RAD51B: variants seen among roughly 807,000 people sequenced by gnomAD.
The protein encoded by RAD51B is RAD51 paralog B.
RAD51B carries 38 observed loss-of-function variants against 42.2 expected under a neutral mutation model. That is an observed-to-expected ratio of 0.90 (90% CI 0.70 to 1.18). RAD51B has a LOEUF of 1.18. RAD51B is among the 50% of genes most tolerant of loss of function. RAD51B has a pLI of 0.00. For synonymous variants in RAD51B, 154 were observed against 145.2 expected (o/e 1.06, Z -0.43); for missense variants, 373 against 400.7 (o/e 0.93, Z 0.59).
chr14:68,167,135 A>T (rs758475965), intron 7 of RAD51B, among the ~76,000 whole-genome samples: 10 of 152,204 alleles, frequency 6.6e-5, no homozygotes, highest in African/African-American at 1.4e-4. Context: ...CTTGTGTGCT[A>T]TAAGACAAAG....
Position 67,864,966 on chromosome 14 carries a change from T to G in RAD51B, c.316-37T>G, listed in dbSNP as rs1221544929. The G allele has an allele frequency of 9.5e-6, 8 of 839,230 alleles. No homozygotes were observed. The African/African-American group carries it at 4.1e-4, about 43-fold the overall frequency. The allele number at this position is 839,230 out of a possible 1,614,324, so 52.0% of individuals were successfully genotyped here. A position where few individuals can be genotyped will look rare whatever the true frequency, so the allele number is the denominator to read the frequency against. ...TGTGATGTTTATCTAAAAAACTTTT[T>G]TTTTTTTTTTTTTTTTTTTTTTTTT... On this transcript the variant is annotated intron_variant, in intron 4 of 10. Transcript: ENST00000471583.
intron 8 of RAD51B, among the ~76,000 whole-genome samples, chr14:68,390,393 C>T (rs1407662590): frequency 2.6e-5 from 4 of 152,322 alleles, no homozygotes; most frequent in South Asian, 2.1e-4. Context: ...TTCATCCTTA[C>T]CCATTTAGGA....
At chr14:68,663,532 C>T (rs1892976935) in intron 11 of RAD51B, among the ~76,000 whole-genome samples, 1 of 152,208 alleles carries the variant, frequency 6.6e-6, no homozygotes, top group African/African-American at 2.4e-5. Flanking sequence ...TGGAGGGCTT[C>T]ATCTTTCCTT....
chr14:68,357,599 A>T (rs1302879070), intron 8 of RAD51B, among the ~76,000 whole-genome samples: 1 of 152,158 alleles, frequency 6.6e-6, no homozygotes, highest in Non-Finnish European at 1.5e-5. Context: ...TTCTTAAATA[A>T]TAAGTCTTAA....
intron 8 of RAD51B, among the ~76,000 whole-genome samples, chr14:68,293,278 A>G (rs2081549835): frequency 1.3e-5 from 2 of 152,118 alleles, no homozygotes; most frequent in Admixed American, 6.5e-5. Flanking sequence ...TTTTCTGAGA[A>G]TGAGCTAAAA....
chr14:68,470,850 G>A (rs565691180), intron 10 of RAD51B: 22 of 381,176 alleles, frequency 5.8e-5, no homozygotes, highest in African/African-American at 4.3e-4. Context: ...AGCTTTGTCC[G>A]ATCCTCCTAG....
intron 7 of RAD51B, among the ~76,000 whole-genome samples, chr14:68,128,334 G>A (rs113853708): frequency 0.018 from 2,740 of 152,258 alleles, 91 homozygotes; most frequent in African/African-American, 0.062. Context: ...CGCAAGAGGA[G>A]TTTCTTTGCA....
intron 10 of RAD51B, among the ~76,000 whole-genome samples, chr14:68,528,273 G>A (rs1887062386): frequency 6.6e-6 from 1 of 152,136 alleles, no homozygotes; most frequent in African/African-American, 2.4e-5. Flanking sequence ...CTCTTTCTTT[G>A]CCTTTTGCTG....
At chr14:67,991,245 C>G (rs1729346451) in intron 7 of RAD51B, among the ~76,000 whole-genome samples, 1 of 152,186 alleles carries the variant, frequency 6.6e-6, no homozygotes, top group Non-Finnish European at 1.5e-5. Context: ...CTCTCTCTTT[C>G]TTGTTCCCTA....
At chr14:68,479,880 G>C (rs543239767), downstream of RAD51B, among the ~76,000 whole-genome samples, 1 of 151,810 alleles carries the variant, frequency 6.6e-6, no homozygotes, top group Non-Finnish European at 1.5e-5. Context: ...TGTTGCCCAG[G>C]CTGGTCTTGA....
intron 7 of RAD51B, among the ~76,000 whole-genome samples, chr14:68,052,928 C>T (rs953402163): frequency 2.6e-5 from 4 of 152,120 alleles, no homozygotes; most frequent in East Asian, 1.9e-4. Context: ...CCACCGTGTC[C>T]GGCCAATTTC....
intron 7 of RAD51B, among the ~76,000 whole-genome samples, chr14:68,169,217 G>A (rs774467694): frequency 1.5e-4 from 23 of 152,074 alleles, no homozygotes; most frequent in Non-Finnish European, 2.9e-4. Flanking sequence ...TTGCTACCCT[G>A]GGAGAAGCAT....
intron 10 of RAD51B, among the ~76,000 whole-genome samples, chr14:68,514,084 A>G (rs1360193005): frequency 6.6e-6 from 1 of 152,232 alleles, no homozygotes; most frequent in Non-Finnish European, 1.5e-5. Flanking sequence ...GTGAATCTCC[A>G]TCCTCGCTCT....
At chr14:67,917,717 A>G (rs1356814314) in intron 7 of RAD51B, among the ~76,000 whole-genome samples, 4 of 152,194 alleles carry the variant, frequency 2.6e-5, no homozygotes, top group Non-Finnish European at 4.4e-5. Context: ...AAAGGAGTCT[A>G]TGTTTTTGGC....
At chr14:68,371,068 A>AAG (rs2083252071) in intron 8 of RAD51B, among the ~76,000 whole-genome samples, 1 of 146,836 alleles carries the variant, frequency 6.8e-6, no homozygotes, top group African/African-American at 2.6e-5. Context: ...AAAAAAGAAA[A>AAG]GAAAATTAAA....
At chr14:68,660,898 C>T (rs1367280284) in intron 11 of RAD51B, among the ~76,000 whole-genome samples, 1 of 152,178 alleles carries the variant, frequency 6.6e-6, no homozygotes, top group Non-Finnish European at 1.5e-5. Context: ...CCAGGACCAC[C>T]AAAATGAGGG....
intron 10 of RAD51B, among the ~76,000 whole-genome samples, chr14:68,568,837 T>A (rs1023116752): frequency 6.6e-6 from 1 of 152,220 alleles, no homozygotes; most frequent in Non-Finnish European, 1.5e-5. Flanking sequence ...CTCATCTTTT[T>A]TGATATTTTG....
intron 7 of RAD51B, among the ~76,000 whole-genome samples, chr14:68,216,954 C>A (rs928566635): frequency 1.7e-4 from 26 of 152,186 alleles, no homozygotes; most frequent in African/African-American, 5.8e-4. Context: ...CTGTAAGAAG[C>A]CTGACTTGTA....
intron 7 of RAD51B, among the ~76,000 whole-genome samples, chr14:68,256,174 G>A (rs529716440): frequency 6.6e-6 from 1 of 152,318 alleles, no homozygotes; most frequent in East Asian, 1.9e-4. Flanking sequence ...CCCTATTTGG[G>A]TGTTGAATCT....
Sources: allele counts gnomAD v4.1 joint callset (sites outside exome capture counted in the v4.1 genomes callset), GRCh38; gene constraint gnomAD v4.1.1; transcripts MANE v1.5; gene names NCBI Gene and HGNC (gene_info 2026-07-23, HGNC 2026-07-21).